PRDM6: variants seen among roughly 807,000 people sequenced by gnomAD.
PRDM6 encodes the protein PR/SET domain 6.
Under a neutral mutation model 60.8 loss-of-function variants are expected in PRDM6, and 25 were observed. That is an observed-to-expected ratio of 0.41 (90% CI 0.30 to 0.57). The LOEUF (loss-of-function observed/expected upper bound fraction) is 0.57, where lower values mean the gene tolerates loss of function less well. Among genes scored for constraint, PRDM6 ranks in the 20% least tolerant of loss-of-function variants. The probability of loss-of-function intolerance (pLI) is 0.27; values close to 1 mark genes in which losing one functional copy is unlikely to be tolerated. For missense variants in PRDM6, 839 were observed against 821.3 expected, an observed-to-expected ratio of 1.02 and a Z score of -0.26; for synonymous variants, 407 against 357.4, an observed-to-expected ratio of 1.14 and a Z score of -1.57.
In PRDM6 at chr5:123,192,137, A is replaced by G. The variant is rs1766445209; in HGVS notation, c.*4936A>G. 1 of 152,234 alleles carries G rather than the reference A, an allele frequency of 6.6e-6. No homozygotes were observed. The highest frequency in any genetic ancestry group is 1.5e-5 in the Non-Finnish European group (1 of 68,032). 9.4% of individuals were successfully genotyped at this position (152,234 alleles called of 1,614,324 possible). A position where few individuals can be genotyped will look rare whatever the true frequency, so the allele number is the denominator to read the frequency against. On this transcript the variant is annotated 3_prime_UTR_variant, in exon 8 of 8. Transcript: ENST00000407847. Reference sequence around the variant, plus strand: ...GGAAAAATAAGGACATTCTGCGCTTATTCCCACAGAGGTTGATGGGAATGA... The same window carrying G: ...GGAAAAATAAGGACATTCTGCGCTTGTTCCCACAGAGGTTGATGGGAATGA...
At chr5:123,178,987 T>C (rs374721447) in intron 6 of PRDM6, among the ~76,000 whole-genome samples, 11 of 152,350 alleles carry the variant, frequency 7.2e-5, no homozygotes, top group African/African-American at 2.6e-4. Flanking sequence ...GCTTAGTGAA[T>C]GCTGTTAATA....
intron 3 of PRDM6, among the ~76,000 whole-genome samples, chr5:123,145,920 G>C (rs1765227482): frequency 6.6e-6 from 1 of 152,102 alleles, no homozygotes; most frequent in South Asian, 2.1e-4. Flanking sequence ...TAAAACCATA[G>C]GAAACCATTA....
intron 3 of PRDM6, among the ~76,000 whole-genome samples, chr5:123,139,360 A>G (rs139148187): frequency 1.1e-3 from 173 of 152,268 alleles, no homozygotes; most frequent in African/African-American, 4.0e-3. Flanking sequence ...AAAGTATACT[A>G]TAGAATCTCT....
intron 4 of PRDM6, 131 bp downstream of exon 4, chr5:123,156,142 T>C: frequency 2.3e-6 from 2 of 870,846 alleles, no homozygotes; most frequent in Admixed American, 6.1e-5. Context: ...ATTTTTTTTT[T>C]TTGCTAGGTT....
At chr5:123,142,877 C>CAAAAAAAA in intron 3 of PRDM6, among the ~76,000 whole-genome samples, 143 of 27,278 alleles carry the variant, frequency 5.2e-3, no homozygotes, top group Middle Eastern at 0.045. Flanking sequence ...CAGTGAAGAC[C>CAAAAAAAA]AAAAAAAAAA....
intron 3 of PRDM6, among the ~76,000 whole-genome samples, chr5:123,124,851 T>A (rs1221797277): frequency 6.6e-6 from 1 of 152,030 alleles, no homozygotes; most frequent in Non-Finnish European, 1.5e-5. Context: ...AAACTCTGTA[T>A]TTTTTTTCTA....
chr5:123,120,390 C>T (rs1764554384), intron 3 of PRDM6, among the ~76,000 whole-genome samples: 1 of 152,150 alleles, frequency 6.6e-6, no homozygotes, highest in African/African-American at 2.4e-5. Context: ...TTGTCCTATC[C>T]TCTGGAGGCA....
intron 2 of PRDM6, 21 bp downstream of exon 2, chr5:123,090,627 C>A (rs1763812692): frequency 2.7e-6 from 4 of 1,501,910 alleles, no homozygotes; most frequent in Admixed American, 4.1e-5. Flanking sequence ...GCAGCCCGCG[C>A]GCTCTCTCCC....
chr5:123,124,862 C>T (rs1267069350), intron 3 of PRDM6, among the ~76,000 whole-genome samples: 8 of 151,056 alleles, frequency 5.3e-5, no homozygotes, highest in African/African-American at 1.5e-4. Flanking sequence ...TTTTTTTCTA[C>T]GTGTAAAATA....
At chr5:123,161,592 A>C (rs1765632766) in intron 5 of PRDM6, among the ~76,000 whole-genome samples, 1 of 152,220 alleles carries the variant, frequency 6.6e-6, no homozygotes. Context: ...TGGCAGCCAG[A>C]CAGTTATAAG....
At chr5:123,110,968 A>G (rs1182204980) in intron 3 of PRDM6, among the ~76,000 whole-genome samples, 2 of 152,056 alleles carry the variant, frequency 1.3e-5, no homozygotes, top group African/African-American at 2.4e-5. Flanking sequence ...TCCCACAGTA[A>G]TATCTGTGCC....
chr5:123,192,265 A>T lies in PRDM6; in HGVS notation c.*5064A>T, dbSNP rs1050399923. 1 of 152,238 alleles carries T rather than the reference A, an allele frequency of 6.6e-6. No homozygotes were observed. The highest frequency in any genetic ancestry group is 2.1e-4 in the South Asian group (1 of 4,836). 9.4% of individuals were successfully genotyped at this position (152,238 alleles called of 1,614,324 possible). On this transcript the variant is annotated 3_prime_UTR_variant, in exon 8 of 8. Transcript: ENST00000407847. ...TTAGTAACTCTATAACAAAGATACT[A>T]TCATTATCCCCTTCTCATATATGCT...
At chr5:123,185,264 A>G (rs1290486015) in intron 7 of PRDM6, among the ~76,000 whole-genome samples, 1 of 152,150 alleles carries the variant, frequency 6.6e-6, no homozygotes, top group Non-Finnish European at 1.5e-5. Context: ...ATTTCTCACA[A>G]TTGTTCAAGC....
At chr5:123,168,079 G>A (rs544882692) in intron 5 of PRDM6, among the ~76,000 whole-genome samples, 5 of 152,068 alleles carry the variant, frequency 3.3e-5, no homozygotes, top group African/African-American at 7.2e-5. Flanking sequence ...CCTTCTTGTC[G>A]TTCAGTGCCT....
intron 5 of PRDM6, among the ~76,000 whole-genome samples, chr5:123,166,131 C>G (rs1027902628): frequency 6.6e-6 from 1 of 152,204 alleles, no homozygotes. Flanking sequence ...CAGGCATTGG[C>G]AATTGTGCTG....
chr5:123,163,253 T>G (rs547630255), intron 5 of PRDM6, among the ~76,000 whole-genome samples: 1 of 152,368 alleles, frequency 6.6e-6, no homozygotes, highest in African/African-American at 2.4e-5. Context: ...AATTGATACC[T>G]GGACCAAGGC....
chr5:123,135,464 T>C (rs1764932861), intron 3 of PRDM6, among the ~76,000 whole-genome samples: 1 of 152,192 alleles, frequency 6.6e-6, no homozygotes, highest in Non-Finnish European at 1.5e-5. Context: ...CTCAGGTGGC[T>C]TGTGCATGTC....
At chr5:123,098,478 C>T (rs1174750010) in intron 2 of PRDM6, among the ~76,000 whole-genome samples, 1 of 152,230 alleles carries the variant, frequency 6.6e-6, no homozygotes, top group Non-Finnish European at 1.5e-5. Context: ...ACCCGGAGGG[C>T]GCTGCGATCC....
chr5:123,172,127 C>T (rs1375201594), intron 6 of PRDM6, among the ~76,000 whole-genome samples: 1 of 152,048 alleles, frequency 6.6e-6, no homozygotes, highest in Non-Finnish European at 1.5e-5. Flanking sequence ...GCTCTCCTCG[C>T]CTAATAATGT....
Sources: allele counts gnomAD v4.1 joint callset (sites outside exome capture counted in the v4.1 genomes callset), GRCh38; gene constraint gnomAD v4.1.1; transcripts MANE v1.5; gene names NCBI Gene and HGNC (gene_info 2026-07-23, HGNC 2026-07-21).